The following RPTOR variants were observed in gnomAD, a reference collection of about 807,000 sequenced individuals.
RPTOR encodes regulatory associated protein of MTOR complex 1.
RPTOR carries 21 observed loss-of-function variants against 169.9 expected under a neutral mutation model. The observed-to-expected ratio is 0.12, with a 90% CI of 0.09 to 0.18. The LOEUF (loss-of-function observed/expected upper bound fraction) is 0.18. RPTOR is among the 10% of genes least tolerant of loss of function. The pLI, the probability that RPTOR is intolerant of heterozygous loss-of-function variation, is 1.00. For synonymous variants in RPTOR, 732 were observed against 753.2 expected, an observed-to-expected ratio of 0.97 and a Z score of 0.46; for missense variants, 1,133 against 1,855.9, an observed-to-expected ratio of 0.61 and a Z score of 7.16.
intron 3 of RPTOR, among the ~76,000 whole-genome samples, chr17:80,687,713 C>T (rs137979584): frequency 6.6e-4 from 101 of 152,276 alleles, no homozygotes; most frequent in African/African-American, 9.4e-4. Flanking sequence ...GGGGCAGCAC[C>T]GTGGGTGTTG....
chr17:80,732,171 A>G (rs186899449), intron 5 of RPTOR, among the ~76,000 whole-genome samples: 217 of 150,364 alleles, frequency 1.4e-3, no homozygotes, highest in African/African-American at 5.3e-3. Context: ...CGCAAAAAAA[A>G]GGTGATTTTT....
rs1021831701 is a variant in RPTOR at position 80,708,532 on chromosome 17, GGT to G, written c.507+535_507+536del. On this transcript the variant is annotated intron_variant, in intron 4 of 33. Coordinates refer to ENST00000306801, the MANE Select transcript of RPTOR (RefSeq NM_020761.3). This position sits in a 1 kb window ranked among gnomAD's most constrained non-coding sequence, Gnocchi z 4.2. ...CTCCCCTTCTGTAGCTGTTGCTGTG[GGT>G]GGTGGGTGCTGACTGTCATCCCCAT... Among the ~76,000 whole-genome samples the G allele has an allele frequency of 2.6e-5, 4 of 151,984 alleles. No homozygotes were observed. Among genetic ancestry groups the G allele is most frequent in the Non-Finnish European group, 5.9e-5 (4 of 67,992 alleles).
intron 10 of RPTOR, among the ~76,000 whole-genome samples, chr17:80,839,354 A>G (rs1440207063): frequency 6.6e-6 from 1 of 152,134 alleles, no homozygotes; most frequent in Non-Finnish European, 1.5e-5. Context: ...AAATTTTCAA[A>G]CCTACAGCAA....
At chr17:80,831,467 G>A (rs867220517) in intron 9 of RPTOR, among the ~76,000 whole-genome samples, 1 of 152,246 alleles carries the variant, frequency 6.6e-6, no homozygotes, top group Non-Finnish European at 1.5e-5. Flanking sequence ...ACACGAGTGA[G>A]TTTACTAGTC....
intron 13 of RPTOR, among the ~76,000 whole-genome samples, chr17:80,867,569 A>G (rs1188594017): frequency 1.3e-5 from 2 of 152,252 alleles, no homozygotes; most frequent in African/African-American, 4.8e-5. Flanking sequence ...ATTCAAGTTC[A>G]AAAGGAAGAG....
At chr17:80,616,296 ATC>A (rs1555596786) in intron 1 of RPTOR, among the ~76,000 whole-genome samples, 1 of 101,790 alleles carries the variant, frequency 9.8e-6, no homozygotes, top group South Asian at 2.9e-4. Context: ...AAAATTGAAA[ATC>A]TTTTTTTTTT....
intron 3 of RPTOR, among the ~76,000 whole-genome samples, chr17:80,672,019 G>T (rs1041208687): frequency 6.6e-6 from 1 of 152,116 alleles, no homozygotes; most frequent in African/African-American, 2.4e-5. Flanking sequence ...AAAATACAAT[G>T]GTTCGTAGGT....
At chr17:80,655,689 C>T (rs143785016) in intron 3 of RPTOR, among the ~76,000 whole-genome samples, 11 of 151,918 alleles carry the variant, frequency 7.2e-5, no homozygotes, top group Admixed American at 2.6e-4. Flanking sequence ...ATCCTCCTGC[C>T]TCAGCCTCAG....
Position 80,885,064 on chromosome 17 carries a change from G to A in RPTOR, c.1899G>A (p.Arg633=). The A allele has an allele frequency of 1.2e-6, 2 of 1,607,830 alleles. No individual in the cohort carries two copies. The highest frequency in any genetic ancestry group is 1.7e-6 in the Non-Finnish European group (2 of 1,177,930). ...LGTFVGNSAE[R]TDHSTTIDHN... The stretch of plus-strand genomic sequence containing the variant: ...CGTTCGTGGGCAACTCTGCAGAGAG[G>A]ACGGACCACTCCACCACCATCGACC... Residue 633 remains arginine (R), a synonymous_variant, in exon 17 of 34, where the codon AGG becomes AGA. Coordinates refer to ENST00000306801, the MANE Select transcript of RPTOR (RefSeq NM_020761.3).
intron 7 of RPTOR, among the ~76,000 whole-genome samples, chr17:80,819,299 G>A (rs867016664): frequency 2.0e-5 from 3 of 152,300 alleles, no homozygotes; most frequent in Middle Eastern, 3.4e-3. Context: ...CCCCATGATC[G>A]CATTTTGAGG....
In RPTOR at chr17:80,798,940, ACTCTGGGTTCCC is replaced by A. The variant is rs2067128419; in HGVS notation, c.890+7432_890+7443del. 2.4e-4 allele frequency among the ~76,000 whole-genome samples: 37 copies of A among 152,140 alleles called. No homozygotes were observed. In the South Asian group the frequency reaches 7.5e-3, roughly 31 times the overall value. The stretch of plus-strand genomic sequence containing the variant: ...TGTCCTCCTGTCCACCTGAGATGGA[ACTCTGGGTTCCC>A]TGAGTCACACCTACATTAAAACGTA... On this transcript the variant is annotated intron_variant, in intron 7 of 33. Transcript: ENST00000306801.
At chr17:80,625,904 A>C in intron 2 of RPTOR, 111 bp downstream of exon 2, 1 of 720,048 alleles carries the variant, frequency 1.4e-6, no homozygotes, top group Non-Finnish European at 2.5e-6. Context: ...CAGCTGTGCA[A>C]ATCTGAGGGG....
intron 1 of RPTOR, among the ~76,000 whole-genome samples, chr17:80,551,847 C>T (rs2084349546): frequency 6.6e-6 from 1 of 152,158 alleles, no homozygotes; most frequent in Non-Finnish European, 1.5e-5. Context: ...TGGACAATAC[C>T]TGGCTTTCCT....
In RPTOR at chr17:80,964,245, C is replaced by T. The variant is rs1488141471; in HGVS notation, c.3940-17C>T. The T allele has an allele frequency of 6.2e-7, 1 of 1,604,008 alleles. No individual in the cohort carries two copies. On this transcript the variant is annotated splice_polypyrimidine_tract_variant and intron_variant, in intron 33 of 33. Coordinates refer to ENST00000306801, the MANE Select transcript of RPTOR (RefSeq NM_020761.3). ...CCCGCACCTGAACCCCTGCTCACCC[C>T]TTCTCTCTCCTTGCAGCCTCACCTG...
chr17:80,873,398 C>T (rs2068072463), intron 13 of RPTOR, among the ~76,000 whole-genome samples: 1 of 152,064 alleles, frequency 6.6e-6, no homozygotes. Context: ...TTACTGAGCG[C>T]CTAATAGGAA....
In RPTOR at chr17:80,950,249, C is replaced by T. The variant is rs370582716; in HGVS notation, c.3370+702C>T. 5.6e-4 allele frequency among the ~76,000 whole-genome samples: 86 copies of T among 152,332 alleles called. 1 individual carries two copies. The South Asian group carries it at 0.011, about 20-fold the overall frequency. On this transcript the variant is annotated intron_variant, in intron 28 of 33. Transcript: ENST00000306801. ...AGCCCTTGGCGATGCTCAGAGTGAA[C>T]GCGTTACCCCGCCAGCCCCCCTCTG...
intron 20 of RPTOR, among the ~76,000 whole-genome samples, chr17:80,898,214 TC>T (rs1454924105): frequency 1.3e-5 from 2 of 152,236 alleles, no homozygotes; most frequent in Non-Finnish European, 2.9e-5. Context: ...AGCTAAGTAT[TC>T]TCATTCTTTC....
chr17:80,676,835 G>A (rs1401011630), intron 3 of RPTOR, among the ~76,000 whole-genome samples: 2 of 152,168 alleles, frequency 1.3e-5, no homozygotes, highest in Non-Finnish European at 2.9e-5. Flanking sequence ...AGGGCTCATC[G>A]CTAGCCAGGG....
chr17:80,924,919 C>T (rs745562935), intron 23 of RPTOR, among the ~76,000 whole-genome samples: 2 of 152,238 alleles, frequency 1.3e-5, no homozygotes, highest in African/African-American at 4.8e-5. Context: ...GAGCTCCAGC[C>T]GGCCTGCAAA....
Sources: allele counts gnomAD v4.1 joint callset (sites outside exome capture counted in the v4.1 genomes callset), GRCh38; gene constraint gnomAD v4.1.1; non-coding constraint Gnocchi (gnomAD v3.1); transcripts MANE v1.5; gene names NCBI Gene and HGNC (gene_info 2026-07-23, HGNC 2026-07-21).